Variants in IGF2BP2 observed in about 807,000 individuals in gnomAD.
IGF2BP2 encodes the protein insulin like growth factor 2 mRNA binding protein 2.
A neutral mutation model predicts 75.8 loss-of-function variants in IGF2BP2; 17 were observed. The ratio of observed to expected loss-of-function variants is 0.22; its 90% confidence interval spans 0.15 to 0.34. The LOEUF (loss-of-function observed/expected upper bound fraction) is 0.34, where lower values mean the gene tolerates loss of function less well. Ranked by LOEUF, IGF2BP2 falls within the 10% of genes least tolerant of loss-of-function variation. IGF2BP2 has a pLI of 1.00. For missense variants in IGF2BP2, 516 were observed against 772.4 expected (o/e 0.67, Z 3.93); for synonymous variants, 288 against 295.6 (o/e 0.97, Z 0.26).
chr3:185,719,660 C>G (rs1726198975), intron 2 of IGF2BP2, among the ~76,000 whole-genome samples: 1 of 152,144 alleles, frequency 6.6e-6, no homozygotes, highest in Admixed American at 6.5e-5. Flanking sequence ...GTGGCGAAAC[C>G]CTGTCTCTAC....
At chr3:185,801,489 C>CAAA (rs35823870) in intron 2 of IGF2BP2, among the ~76,000 whole-genome samples, 16 of 51,624 alleles carry the variant, frequency 3.1e-4, no homozygotes, top group East Asian at 6.0e-4. Context: ...AACTCCATCT[C>CAAA]AAAAAAAAAA....
chr3:185,704,285 C>T (rs868644969), intron 2 of IGF2BP2, among the ~76,000 whole-genome samples: 1 of 152,184 alleles, frequency 6.6e-6, no homozygotes, highest in Non-Finnish European at 1.5e-5. Context: ...GTCTATTGCA[C>T]GCGCTCATTA....
chr3:185,670,654 C>T (rs547487075), intron 10 of IGF2BP2, among the ~76,000 whole-genome samples: 6 of 152,250 alleles, frequency 3.9e-5, no homozygotes, highest in South Asian at 4.1e-4. Flanking sequence ...CCGTAACCTC[C>T]GCCTCCAGGG....
intron 2 of IGF2BP2, among the ~76,000 whole-genome samples, chr3:185,706,480 T>G (rs1724038594): frequency 6.6e-6 from 1 of 152,198 alleles, no homozygotes; most frequent in Non-Finnish European, 1.5e-5. Flanking sequence ...GATGTTTAGA[T>G]GTCTGTGAGA....
intron 7 of IGF2BP2, among the ~76,000 whole-genome samples, chr3:185,678,680 TG>T (rs1428215282): frequency 6.6e-6 from 1 of 152,216 alleles, no homozygotes; most frequent in Non-Finnish European, 1.5e-5. Flanking sequence ...ATTTCCTTAT[TG>T]TTCTTCTGTC....
chr3:185,735,406 A>T (rs1728730482), intron 2 of IGF2BP2, among the ~76,000 whole-genome samples: 1 of 152,206 alleles, frequency 6.6e-6, no homozygotes, highest in Non-Finnish European at 1.5e-5. Flanking sequence ...TCGGCCTCCC[A>T]AAGTGCTGGG....
chr3:185,783,458 A>T (rs765554499), intron 2 of IGF2BP2, among the ~76,000 whole-genome samples: 1 of 152,190 alleles, frequency 6.6e-6, no homozygotes, highest in African/African-American at 2.4e-5. Flanking sequence ...GGGCAGGACA[A>T]AGAGTTCCCA....
At chr3:185,665,320 A>AAGGAGGAGG (rs773580962) in intron 10 of IGF2BP2, among the ~76,000 whole-genome samples, 7 of 50,142 alleles carry the variant, frequency 1.4e-4, no homozygotes, top group African/African-American at 2.5e-4. Flanking sequence ...GCAGAAGGAG[A>AAGGAGGAGG]AGGAGGAGGA....
intron 7 of IGF2BP2, among the ~76,000 whole-genome samples, chr3:185,677,068 T>TATATATATATATATAGAGAGAGAG: frequency 4.2e-4 from 15 of 35,860 alleles, no homozygotes; most frequent in East Asian, 6.9e-4. Flanking sequence ...TATATATATA[T>TATATATATATATATAGAGAGAGAG]AGAGAGAGAG....
intron 2 of IGF2BP2, chr3:185,728,725 A>T (rs1727712554): frequency 6.6e-6 from 1 of 152,248 alleles, no homozygotes; most frequent in African/African-American, 2.4e-5. Context: ...AACCTCCCAA[A>T]GGCTCACAGC....
At chr3:185,689,014 G>A (rs866524762) in intron 6 of IGF2BP2, 3 of 198,566 alleles carry the variant, frequency 1.5e-5, no homozygotes, top group Non-Finnish European at 3.1e-5. Flanking sequence ...AGGGGAAGAG[G>A]AAGAGCTATG....
At chr3:185,739,643 C>T (rs1424400011) in intron 2 of IGF2BP2, among the ~76,000 whole-genome samples, 1 of 151,998 alleles carries the variant, frequency 6.6e-6, no homozygotes, top group East Asian at 1.9e-4. Flanking sequence ...AAGGCTATGA[C>T]CAGGAGTCCA....
chr3:185,703,687 T>C (rs976980126), intron 2 of IGF2BP2, among the ~76,000 whole-genome samples: 1 of 151,884 alleles, frequency 6.6e-6, no homozygotes, highest in African/African-American at 2.4e-5. Context: ...AGCAGGAGAA[T>C]CACTTGAACC....
At chr3:185,649,294 C>A (rs1226991666) in intron 14 of IGF2BP2, 109 bp downstream of exon 14, 1 of 1,409,918 alleles carries the variant, frequency 7.1e-7, no homozygotes, top group Non-Finnish European at 9.7e-7. Flanking sequence ...GCCAAAGACC[C>A]TGACTGTACA....
chr3:185,768,728 C>T (rs981971713), intron 2 of IGF2BP2, among the ~76,000 whole-genome samples: 10 of 152,140 alleles, frequency 6.6e-5, no homozygotes, highest in Non-Finnish European at 1.0e-4. Flanking sequence ...TCAATAAGCA[C>T]CTTTAAAAGG....
At chr3:185,818,888 G>A (rs1229588381) in intron 2 of IGF2BP2, among the ~76,000 whole-genome samples, 1 of 151,574 alleles carries the variant, frequency 6.6e-6, no homozygotes, top group East Asian at 1.9e-4. Flanking sequence ...AAAATCTGGA[G>A]CAACCTCCAC....
chr3:185,658,342 G>C lies in IGF2BP2; in HGVS notation c.1268C>G (p.Ser423Cys). 1 of 1,613,804 alleles carries C rather than the reference G, an allele frequency of 6.2e-7. No individual in the cohort carries two copies. Among genetic ancestry groups the C allele is most frequent in the South Asian group, 1.1e-5 (1 of 91,054 alleles). ...CGGCTGAACTGAGGGGGCACTTACA[G>C]AGTGATGATGCGGGAACGGGCCAAA... is the stretch of plus-strand genomic sequence containing the variant. Reference protein sequence around the residue: ...HQFGPFPHHHSYPEQEIVNLF... With the variant: ...HQFGPFPHHHCYPEQEIVNLF... Residue 423 changes from serine (S) to cysteine (C), a missense_variant and splice_region_variant, in exon 11 of 16, where the codon TCT becomes TGT. Ser to Cys is a moderately radical substitution (Grantham distance 112, BLOSUM62 -1). Transcript: ENST00000382199.
At chr3:185,729,098 T>C (rs1007987443) in intron 2 of IGF2BP2, among the ~76,000 whole-genome samples, 2 of 152,002 alleles carry the variant, frequency 1.3e-5, no homozygotes, top group African/African-American at 4.8e-5. Context: ...GCAGTAAAGA[T>C]TACTGCTTTT....
intron 5 of IGF2BP2, among the ~76,000 whole-genome samples, chr3:185,691,391 C>T (rs1029068985): frequency 2.1e-4 from 32 of 152,300 alleles, no homozygotes; most frequent in African/African-American, 7.7e-4. Context: ...AGCCACCACG[C>T]CTGGCCTGAA....
Sources: allele counts gnomAD v4.1 joint callset (sites outside exome capture counted in the v4.1 genomes callset), GRCh38; gene constraint gnomAD v4.1.1; transcripts MANE v1.5; gene names NCBI Gene and HGNC (gene_info 2026-07-23, HGNC 2026-07-21).